The following CGN variants were observed in gnomAD, a reference collection of about 807,000 sequenced individuals.
CGN encodes cingulin.
In CGN, 121 loss-of-function variants were observed where a neutral mutation model predicts 157.1. The observed-to-expected ratio is 0.77, with a 90% confidence interval of 0.66 to 0.90. The LOEUF (loss-of-function observed/expected upper bound fraction) is 0.90, where lower values mean the gene tolerates loss of function less well. CGN is among the 40% of genes least tolerant of loss of function. The pLI is 0.00. For synonymous variants in CGN, 535 were observed against 607.5 expected (o/e 0.88, Z 1.76); for missense variants, 1,424 against 1,520.9 (o/e 0.94, Z 1.06).
chr1:151,530,000 A>G lies in CGN; in HGVS notation c.2198A>G (p.Asp733Gly). ...CTTCGGGAGACCCAGGAGGAAAATG[A>G]CGAATTCCGCCGGCGCATCCTGGGT... ...TTLRETQEEN[D>G]EFRRRILGLE... The change falls in exon 12 of 21, where the codon GAC becomes GGC. Residue 733 changes from aspartate to glycine, a missense_variant. This residue lies in a region of CGN where 1,187 missense variants were observed against 1,217.6 expected (regional missense o/e 0.97). Coordinates refer to ENST00000271636, the MANE Select transcript of CGN (RefSeq NM_020770.3). 1 of 1,614,152 alleles carries G rather than the reference A, an allele frequency of 6.2e-7. No homozygotes were observed. The highest frequency in any genetic ancestry group is 8.5e-7 in the Non-Finnish European group (1 of 1,180,022).
intron 10 of CGN, chr1:151,527,952 T>TATATATATATATATA (rs1664729473): frequency 1.9e-4 from 15 of 80,226 alleles, no homozygotes; most frequent in African/African-American, 7.8e-4. Context: ...ATATATATAT[T>TATATATATATATATA]TTTTTTTTTT....
At position 151,527,098 on chromosome 1, in the gene CGN, G is replaced by A. The variant is rs747468823; in HGVS notation, c.1887G>A (p.Val629=). ...CTGGAGATACTCGCCAGGTTGAGGT[G>A]CTCAAGAAGGTATTTGGGAATTGGG... ...ASAGDTRQVE[V]LKKELLRTQE... is the part of the protein sequence containing the mutation. The change falls in exon 10 of 21, where the codon GTG becomes GTA. Residue 629 remains valine, a synonymous_variant. Transcript: ENST00000271636. 12 of 1,614,128 alleles carry A rather than the reference G, an allele frequency of 7.4e-6. No individual in the cohort carries two copies. The East Asian group carries it at 2.0e-4, about 27-fold the overall frequency.
At chr1:151,533,869 G>T in intron 14 of CGN, 106 bp from the exon 15 acceptor site, 1 of 937,930 alleles carries the variant, frequency 1.1e-6, no homozygotes, top group South Asian at 1.9e-5. Context: ...TAATTCTAAA[G>T]AGTGACAGTG....
chr1:151,516,377 C>T (rs968686918), intron 1 of CGN, among the ~76,000 whole-genome samples: 1 of 152,072 alleles, frequency 6.6e-6, no homozygotes, highest in Non-Finnish European at 1.5e-5. Flanking sequence ...GCTTGGAAGA[C>T]AATCTCTCCC....
At position 151,519,257 on chromosome 1, in the gene CGN, C is replaced by T; in HGVS notation, c.738C>T (p.Gly246=). The T allele has an allele frequency of 6.2e-7, 1 of 1,614,154 alleles. No homozygotes were observed. Among genetic ancestry groups the T allele is most frequent in the Non-Finnish European group, 8.5e-7 (1 of 1,180,036 alleles). The part of the protein sequence containing the change: ...TSSTKYDNHV[G]TSKQPAQSQN... ...GCACAAAATATGACAACCATGTGGGCACTTCGAAGCAGCCAGCCCAGAGCC... is the reference window on the plus strand; with the variant it reads ...GCACAAAATATGACAACCATGTGGGTACTTCGAAGCAGCCAGCCCAGAGCC... Residue 246 remains glycine (G), a synonymous_variant, in exon 2 of 21, where the codon GGC becomes GGT. Coordinates refer to ENST00000271636, the MANE Select transcript of CGN (RefSeq NM_020770.3).
At chr1:151,525,881 T>A (rs1490116630) in intron 9 of CGN, 91 bp downstream of exon 9, 2 of 968,094 alleles carry the variant, frequency 2.1e-6, no homozygotes, top group East Asian at 4.0e-5. Flanking sequence ...TAATTTTAAT[T>A]TATTTTTTGG....
rs754282146 is a variant in CGN, at chr1:151,529,482, C to G, written c.2029C>G (p.Arg677Gly). 6.8e-6 allele frequency: 11 copies of G among 1,613,618 alleles called. No individual in the cohort carries two copies. In the African/African-American group the frequency reaches 1.1e-4, roughly 16 times the overall value. Residue 677 changes from arginine to glycine, a missense_variant, in exon 11 of 21, where the codon CGG (arginine) becomes GGG (glycine). Arg to Gly is a moderately radical substitution (Grantham distance 125). Transcript: ENST00000271636. ...CCTGAGGGTCGAGGCTGATCGAGGT[C>G]GGGAGCTGGAAGAACAGAACCTCCA... ...AVLRVEADRG[R>G]ELEEQNLQLQ...
At chr1:151,534,999 G>T (rs1375612052) in intron 15 of CGN, 43 bp from the exon 16 acceptor site, 3 of 1,413,328 alleles carry the variant, frequency 2.1e-6, no homozygotes, top group South Asian at 1.2e-5. Flanking sequence ...TGGCATTCTG[G>T]TGTCCAGCAT....
chr1:151,535,926 C>T lies in CGN; in HGVS notation c.3197+28C>T, dbSNP rs759856632. The T allele has an allele frequency of 2.6e-6, 4 of 1,550,542 alleles. No individual in the cohort carries two copies. The South Asian group carries it at 4.5e-5, about 17-fold the overall frequency. The stretch of plus-strand genomic sequence containing the variant: ...GACATAAGCCTATCCTTCCTCCCTT[C>T]CTCCCTCCTTTTCTTCCTCCCTCCC... On this transcript the variant is annotated intron_variant, in intron 18 of 20. Coordinates refer to ENST00000271636, the MANE Select transcript of CGN (RefSeq NM_020770.3).
Position 151,530,593 on chromosome 1 carries a change from G to T in CGN, c.2418G>T (p.Gln806His). Residue 806 changes from glutamine (Q) to histidine (H), a missense_variant, in exon 13 of 21, where the codon CAG becomes CAT. Transcript: ENST00000271636. ...RALEARLEEA[Q>H]RGLARLGQEQ... ...TGGAGGCACGCCTAGAGGAGGCTCAGCGGGGGCTGGCCCGCCTGGGGCAGG... is the reference window on the plus strand; with the variant it reads ...TGGAGGCACGCCTAGAGGAGGCTCATCGGGGGCTGGCCCGCCTGGGGCAGG... The T allele has an allele frequency of 6.2e-7, 1 of 1,611,580 alleles. No homozygotes were observed. Among genetic ancestry groups the T allele is most frequent in the Non-Finnish European group, 8.5e-7 (1 of 1,178,878 alleles).
intron 10 of CGN, among the ~76,000 whole-genome samples, chr1:151,528,605 C>T (rs1328814006): frequency 7.2e-5 from 11 of 152,080 alleles, no homozygotes; most frequent in Admixed American, 2.6e-4. Context: ...TTGGTAGAGA[C>T]AGGGTTTCAC....
At position 151,534,285 on chromosome 1, in the gene CGN, A is replaced by G. The variant is rs1173169638; in HGVS notation, c.2904+149A>G. 7.0e-5 allele frequency: 55 copies of G among 786,832 alleles called. No homozygotes were observed. The East Asian group carries it at 1.6e-3, about 22-fold the overall frequency. 48.7% of individuals were successfully genotyped at this position (786,832 alleles called of 1,614,324 possible). A position where few individuals can be genotyped will look rare whatever the true frequency, so the allele number is the denominator to read the frequency against. On this transcript the variant is annotated intron_variant, in intron 15 of 20. Transcript: ENST00000271636. ...CTTTGAATCAATTGCCAATGTTTAG[A>G]AATTTATAGAGGTCACCTAAAAATT...
In CGN at chr1:151,532,568, A is replaced by T; in HGVS notation, c.2738A>T (p.Asp913Val). ...TCTGGAGGACTGAGCCGACTTCAGG[A>T]TGAGGTAGAAGTCTAATATCCTTGG... ...KTSGGLSRLQ[D>V]EIQRLRQALQ... is the part of the protein sequence containing the mutation. The change falls in exon 14 of 21, where the codon GAT (aspartate) becomes GTT (valine). Residue 913 changes from aspartate to valine, a missense_variant. This residue lies in a region of CGN where 1,187 missense variants were observed against 1,217.6 expected (regional missense o/e 0.97). Coordinates refer to ENST00000271636, the MANE Select transcript of CGN (RefSeq NM_020770.3). The T allele has an allele frequency of 7.2e-6, 10 of 1,390,112 alleles. No individual in the cohort carries two copies. The highest frequency in any genetic ancestry group is 9.6e-6 in the Non-Finnish European group (10 of 1,041,728). 86.1% of individuals were successfully genotyped at this position (1,390,112 alleles called of 1,614,324 possible). A position where few individuals can be genotyped will look rare whatever the true frequency, so the allele number is the denominator to read the frequency against.
Position 151,523,562 on chromosome 1 carries a change from G to C in CGN, c.1268+1G>C. 6.2e-7 allele frequency: 1 copy of C among 1,606,198 alleles called. No homozygotes were observed. The highest frequency in any genetic ancestry group is 8.5e-7 in the Non-Finnish European group (1 of 1,176,668). On this transcript the variant is annotated splice_donor_variant, in intron 6 of 20. Coordinates refer to ENST00000271636, the MANE Select transcript of CGN (RefSeq NM_020770.3). LOFTEE classifies it high-confidence loss of function. Reference sequence around the variant, plus strand: ...GGGAGGCCCAGCAGAGCAACAAGGAGTGAGTGCAGCTGGTGGCGCACCTCG... The same window carrying C: ...GGGAGGCCCAGCAGAGCAACAAGGACTGAGTGCAGCTGGTGGCGCACCTCG...
At chr1:151,520,547 C>A in intron 4 of CGN, 49 bp from the exon 5 acceptor site, 1 of 1,611,486 alleles carries the variant, frequency 6.2e-7, no homozygotes, top group Non-Finnish European at 8.5e-7. Context: ...CTCAGGGGAT[C>A]CAGACTTGGA....
At chr1:151,535,425 C>T (rs566066460) in intron 16 of CGN, among the ~76,000 whole-genome samples, 175 bp from the exon 17 acceptor site, 3 of 152,298 alleles carry the variant, frequency 2.0e-5, no homozygotes, top group Admixed American at 1.3e-4. Flanking sequence ...GAAGGAGGCT[C>T]TGTTTGCATT....
At chr1:151,527,222 C>A (rs1664703611) in intron 10 of CGN, 115 bp downstream of exon 10, 1 of 1,056,828 alleles carries the variant, frequency 9.5e-7, no homozygotes, top group Non-Finnish European at 1.4e-6. Flanking sequence ...GTTTCCAGGC[C>A]TCATCCTGCC....
rs1664779644 is a variant in CGN, at chr1:151,529,511, A to G, written c.2058A>G (p.Leu686=). The part of the protein sequence containing the change: ...GRELEEQNLQ[L]QKTLQQLRQD... ...AGCTGGAAGAACAGAACCTCCAGCT[A>G]CAAAAGACCCTCCAGCAACTGCGAC... The change falls in exon 11 of 21, where the codon CTA becomes CTG. Residue 686 remains leucine (L), a synonymous_variant. Coordinates refer to ENST00000271636, the MANE Select transcript of CGN (RefSeq NM_020770.3). The G allele has an allele frequency of 6.2e-7, 1 of 1,613,804 alleles. No individual in the cohort carries two copies. The highest frequency in any genetic ancestry group is 8.5e-7 in the Non-Finnish European group (1 of 1,179,992).
rs1348975972 is a variant in CGN at position 151,527,009 on chromosome 1, G to A, written c.1798G>A (p.Glu600Lys). ...GCTGCGAATGGAGAAGGAGGAGATG[G>A]AAGAGGAGCTTGGAGAGAAGATAGA... The part of the protein sequence containing the change: ...LQLRMEKEEM[E>K]EELGEKIEVL... Residue 600 changes from glutamate to lysine, a missense_variant, in exon 10 of 21, where the codon GAA (glutamate) becomes AAA (lysine). Around this residue, in one of 3 missense-constraint regions of CGN, gnomAD observed 1,187 missense variants for 1,217.6 expected, o/e 0.97. Coordinates refer to ENST00000271636, the MANE Select transcript of CGN (RefSeq NM_020770.3). 1.2e-6 allele frequency: 2 copies of A among 1,614,194 alleles called. No homozygotes were observed. Among genetic ancestry groups the A allele is most frequent in the East Asian group, 4.5e-5 (2 of 44,878 alleles).
Sources: gnomAD v4.1 joint callset for allele counts (sites outside exome capture counted in the v4.1 genomes callset) on GRCh38, gnomAD v4.1.1 for gene constraint, gnomAD v4.1.1 regional missense constraint, MANE v1.5 for transcripts, NCBI Gene and HGNC (gene_info 2026-07-23, HGNC 2026-07-21) for gene names.